Variants in CRMP1 observed in about 807,000 individuals in gnomAD.
CRMP1 encodes the protein collapsin response mediator protein 1.
Under a neutral mutation model 68.3 loss-of-function variants are expected in CRMP1, and 19 were observed. The ratio of observed to expected loss-of-function variants is 0.28; its 90% CI spans 0.19 to 0.41. The LOEUF (loss-of-function observed/expected upper bound fraction) is 0.41. CRMP1 is among the 10% of genes least tolerant of loss of function. The pLI, the probability that CRMP1 is intolerant of heterozygous loss-of-function variation, is 1.00. For synonymous variants in CRMP1, 439 were observed against 399.6 expected, an observed-to-expected ratio of 1.10 and a Z score of -1.18; for missense variants, 791 against 967.4, an observed-to-expected ratio of 0.82 and a Z score of 2.42.
chr4:5,865,021 T>A lies in CRMP1; in HGVS notation c.470+1647A>T, dbSNP rs1455641008. On this transcript the variant is annotated intron_variant, in intron 2 of 13. Transcript: ENST00000324989. This position sits in a 1 kb window ranked among gnomAD's most constrained non-coding sequence, Gnocchi z 4.1. ...CCCTCTTCACTGGGTGATTTGCATA[T>A]GTGGTCCCTTTCAATGCCCCCAATA... 1.3e-5 allele frequency among the ~76,000 whole-genome samples: 2 copies of A among 151,994 alleles called. No individual in the cohort carries two copies. The highest frequency in any genetic ancestry group is 4.8e-5 in the African/African-American group (2 of 41,358).
chr4:5,888,118 G>A lies in CRMP1; in HGVS notation c.381+4471C>T, dbSNP rs1715731176. The A allele has an allele frequency of 2.5e-6, 3 of 1,191,144 alleles. No homozygotes were observed. Among genetic ancestry groups the A allele is most frequent in the African/African-American group, 3.2e-5 (2 of 63,206 alleles). 73.8% of individuals were successfully genotyped at this position (1,191,144 alleles called of 1,614,324 possible). ...CCCCGCCCCACCCGCGGCGACGCAG[G>A]AGGCCTCGGGGGGCGCCCCTGCCGG... On this transcript the variant is annotated intron_variant, in intron 1 of 13. Transcript: ENST00000324989. This position sits in a 1 kb window ranked among gnomAD's most constrained non-coding sequence, Gnocchi z 6.4.
chr4:5,889,224 TA>T lies in CRMP1; in HGVS notation c.381+3364del, dbSNP rs2152477586. Among the ~76,000 whole-genome samples the T allele has an allele frequency of 6.6e-6, 1 of 152,194 alleles. No homozygotes were observed. The highest frequency in any genetic ancestry group is 1.9e-4 in the East Asian group (1 of 5,154). On this transcript the variant is annotated intron_variant, in intron 1 of 13. Transcript: ENST00000324989. The surrounding 1 kb of genome is among the most constrained non-coding windows in gnomAD (Gnocchi z 4.5). ...CAGCAGGGACAGAAGGGTACGGCCT[TA>T]ATTAATGCTGACCTGTTCTACTCCA...
chr4:5,869,681 CAAAAAAAAAAAAAA>C (rs33973891), intron 1 of CRMP1, among the ~76,000 whole-genome samples: 2 of 92,932 alleles, frequency 2.2e-5, no homozygotes, highest in Non-Finnish European at 4.2e-5. Context: ...AAGACTCCGT[CAAAAAAAAAAAAAA>C]AAAAAAGAAA....
At chr4:5,835,641 C>G (rs1245681429) in intron 11 of CRMP1, among the ~76,000 whole-genome samples, 1 of 152,084 alleles carries the variant, frequency 6.6e-6, no homozygotes, top group African/African-American at 2.4e-5. Flanking sequence ...TGTCAGATGG[C>G]TGGGAACACA....
rs1238751195 is a variant in CRMP1 at position 5,866,600 on chromosome 4, C to G, written c.470+68G>C. The G allele has an allele frequency of 3.5e-6, 4 of 1,156,450 alleles. No individual in the cohort carries two copies. The highest frequency in any genetic ancestry group is 5.1e-6 in the Non-Finnish European group (4 of 777,870). The allele number at this position is 1,156,450 out of a possible 1,614,324, so 71.6% of individuals were successfully genotyped here. On this transcript the variant is annotated intron_variant, in intron 2 of 13. Transcript: ENST00000324989. This position sits in a 1 kb window ranked among gnomAD's most constrained non-coding sequence, Gnocchi z 5.9. ...CATTCTAGGACAGAATGCCAGCCTT[C>G]TGTTCCATCTAAGGCCAGGCAGCCT...
Position 5,842,192 on chromosome 4 carries a change from G to C in CRMP1, c.1033-764C>G, listed in dbSNP as rs1030576291. Among the ~76,000 whole-genome samples, 3 of 151,966 alleles carry C rather than the reference G, an allele frequency of 2.0e-5. No individual in the cohort carries two copies. The highest frequency in any genetic ancestry group is 3.4e-3 in the Middle Eastern group (1 of 292). On this transcript the variant is annotated intron_variant, in intron 7 of 13. Coordinates refer to ENST00000324989, the MANE Select transcript of CRMP1 (RefSeq NM_001014809.3). This position sits in a 1 kb window ranked among gnomAD's most constrained non-coding sequence, Gnocchi z 4.5. ...GGCAGAGCTTGCAGTGAGCCAAGATGGCGCCACTTCACTCCAGCCTGGGCG... is the reference window on the plus strand; with the variant it reads ...GGCAGAGCTTGCAGTGAGCCAAGATCGCGCCACTTCACTCCAGCCTGGGCG...
At position 5,842,586 on chromosome 4, in the gene CRMP1, TCACA is replaced by T. The variant is rs199830320; in HGVS notation, c.1032+503_1032+506del. Among the ~76,000 whole-genome samples the T allele has an allele frequency of 6.5e-5, 9 of 137,626 alleles. No individual in the cohort carries two copies. Among genetic ancestry groups the T allele is most frequent in the Admixed American group, 2.1e-4 (3 of 14,580 alleles). 90.3% of individuals were successfully genotyped at this position (137,626 alleles called of 152,430 possible). On this transcript the variant is annotated intron_variant, in intron 7 of 13. Coordinates refer to ENST00000324989, the MANE Select transcript of CRMP1 (RefSeq NM_001014809.3). This position sits in a 1 kb window ranked among gnomAD's most constrained non-coding sequence, Gnocchi z 4.5. ...CAGGTGCATGCACATGCACCCACAC[TCACA>T]CACTCTCTCACACACACACACACAC...
intron 6 of CRMP1, among the ~76,000 whole-genome samples, chr4:5,847,004 C>T (rs563035960): frequency 6.6e-6 from 1 of 152,014 alleles, no homozygotes; most frequent in Non-Finnish European, 1.5e-5. Flanking sequence ...GGATGGATGA[C>T]TCAGAGGATG....
In CRMP1 at chr4:5,851,399, G is replaced by A; in HGVS notation, c.882+9C>T. On this transcript the variant is annotated intron_variant, in intron 5 of 13. Coordinates refer to ENST00000324989, the MANE Select transcript of CRMP1 (RefSeq NM_001014809.3). ...ACAAGAGAGGAGAGAGTGAGTGTGAGGGACCTACCTGGCTGTCGGACATTT... is the reference window on the plus strand; with the variant it reads ...ACAAGAGAGGAGAGAGTGAGTGTGAAGGACCTACCTGGCTGTCGGACATTT... 6.2e-7 allele frequency: 1 copy of A among 1,613,770 alleles called. No homozygotes were observed. Among genetic ancestry groups the A allele is most frequent in the Non-Finnish European group, 8.5e-7 (1 of 1,179,612 alleles).
chr4:5,854,095 C>A lies in CRMP1; in HGVS notation c.820+2048G>T, dbSNP rs553998796. ...ACCCTCCCATCTCAGTGAGGGGCGT[C>A]CTAAACGACCATTTGCTTAAGGCGG... On this transcript the variant is annotated intron_variant, in intron 4 of 13. Coordinates refer to ENST00000324989, the MANE Select transcript of CRMP1 (RefSeq NM_001014809.3). The surrounding 1 kb of genome is among the most constrained non-coding windows in gnomAD (Gnocchi z 4.0). 1.0e-3 allele frequency among the ~76,000 whole-genome samples: 159 copies of A among 152,314 alleles called. No individual in the cohort carries two copies. Among genetic ancestry groups the A allele is most frequent in the Middle Eastern group, 0.01 (3 of 294 alleles).
intron 12 of CRMP1, 25 bp downstream of exon 12, chr4:5,828,464 C>A (rs761993712): frequency 6.2e-7 from 1 of 1,606,440 alleles, no homozygotes; most frequent in Non-Finnish European, 8.5e-7. Flanking sequence ...CACGGGTGGG[C>A]CCGCTCCCCT....
intron 11 of CRMP1, among the ~76,000 whole-genome samples, chr4:5,830,575 C>A (rs901022672): frequency 6.6e-6 from 1 of 152,214 alleles, no homozygotes; most frequent in African/African-American, 2.4e-5. Flanking sequence ...TGTTCTAACA[C>A]AATTGGATGA....
At chr4:5,847,692 A>G (rs1019158581) in intron 6 of CRMP1, among the ~76,000 whole-genome samples, 1 of 152,244 alleles carries the variant, frequency 6.6e-6, no homozygotes, top group African/African-American at 2.4e-5. Flanking sequence ...CTGAACCATC[A>G]TGTTGCTCTT....
At chr4:5,840,793 T>C (rs1481510038) in intron 8 of CRMP1, among the ~76,000 whole-genome samples, 2 of 152,200 alleles carry the variant, frequency 1.3e-5, no homozygotes, top group Non-Finnish European at 2.9e-5. Flanking sequence ...ATCTTCAAAA[T>C]GGAGCTAGTT....
At chr4:5,826,531 G>A (rs1214502222) in intron 12 of CRMP1, 1 of 152,328 alleles carries the variant, frequency 6.6e-6, no homozygotes, top group African/African-American at 2.4e-5. Context: ...CACTGGGAAA[G>A]GGTTGTGGGG....
chr4:5,889,738 G>C lies in CRMP1; in HGVS notation c.381+2851C>G. Reference sequence around the variant, plus strand: ...TGCCATCCAGAGCGAGGGTGGCCTAGGCTTGGTACAGCTCCCCCAGCACTG... The same window carrying C: ...TGCCATCCAGAGCGAGGGTGGCCTACGCTTGGTACAGCTCCCCCAGCACTG... On this transcript the variant is annotated intron_variant, in intron 1 of 13. Transcript: ENST00000324989. This position sits in a 1 kb window ranked among gnomAD's most constrained non-coding sequence, Gnocchi z 4.5. 1 of 1,535,568 alleles carries C rather than the reference G, an allele frequency of 6.5e-7. No homozygotes were observed. The highest frequency in any genetic ancestry group is 8.7e-7 in the Non-Finnish European group (1 of 1,146,558).
Position 5,851,455 on chromosome 4 carries a change from G to C in CRMP1, c.835C>G (p.Gln279Glu). Reference sequence around the variant, plus strand: ...ACATCCTTATAGGCCATGTAGACTTGGAAGGAATTGACGCCTGTTTCAAGA... The same window carrying C: ...ACATCCTTATAGGCCATGTAGACTTCGAAGGAATTGACGCCTGTTTCAAGA... ...LVQDKGVNSFQVYMAYKDVYQ... is the reference protein window; with the variant it reads ...LVQDKGVNSFEVYMAYKDVYQ... Residue 279 changes from glutamine to glutamate, a missense_variant, in exon 5 of 14, where the codon CAA (glutamine) becomes GAA (glutamate). Transcript: ENST00000324989. 1 of 1,614,098 alleles carries C rather than the reference G, an allele frequency of 6.2e-7. No individual in the cohort carries two copies. The highest frequency in any genetic ancestry group is 2.2e-5 in the East Asian group (1 of 44,886).
rs1216162825 is a variant in CRMP1 at position 5,828,425 on chromosome 4, T to TC, written c.1803+63dup. On this transcript the variant is annotated intron_variant, in intron 12 of 13. Coordinates refer to ENST00000324989, the MANE Select transcript of CRMP1 (RefSeq NM_001014809.3). ...AACTCTGCACACGTCAGATCTCGAT[T>TC]CCCCAAGAGACGCTGTCGGCTCTGG... The TC allele has an allele frequency of 7.0e-6, 11 of 1,572,116 alleles. No homozygotes were observed. The African/African-American group carries it at 9.5e-5, about 14-fold the overall frequency.
In CRMP1 at chr4:5,860,906, G is replaced by A; in HGVS notation, c.655+120C>T. The stretch of plus-strand genomic sequence containing the variant: ...GACCTGTGTCATAGGGCTGGGGGGA[G>A]AATGAAATCCAATGGCACCCTGGGC... On this transcript the variant is annotated intron_variant, in intron 3 of 13. Transcript: ENST00000324989. The surrounding 1 kb of genome is among the most constrained non-coding windows in gnomAD (Gnocchi z 4.2). The A allele has an allele frequency of 1.0e-6, 1 of 992,854 alleles. No homozygotes were observed. The highest frequency in any genetic ancestry group is 1.5e-6 in the Non-Finnish European group (1 of 683,360). 61.5% of individuals were successfully genotyped at this position (992,854 alleles called of 1,614,324 possible).
Sources: gnomAD v4.1 joint callset for allele counts (sites outside exome capture counted in the v4.1 genomes callset) on GRCh38, gnomAD v4.1.1 for gene constraint, Gnocchi (gnomAD v3.1) non-coding constraint, MANE v1.5 for transcripts, NCBI Gene and HGNC (gene_info 2026-07-23, HGNC 2026-07-21) for gene names.